The following THSD7B variants were observed in gnomAD, a reference collection of about 807,000 sequenced individuals.
The protein encoded by THSD7B is thrombospondin type-1 domain-containing protein 7B.
Under a neutral mutation model 213.6 loss-of-function variants are expected in THSD7B, and 138 were observed. The observed-to-expected ratio is 0.65, with a 90% CI of 0.56 to 0.74. The LOEUF (loss-of-function observed/expected upper bound fraction) is 0.74. THSD7B is among the 30% of genes least tolerant of loss of function. THSD7B has a pLI of 0.00. For synonymous variants in THSD7B, 742 were observed against 687.0 expected (o/e 1.08, Z -1.25); for missense variants, 1,931 against 1,991.5 (o/e 0.97, Z 0.58).
At chr2:137,227,094 A>G (rs1021874211) in intron 7 of THSD7B, among the ~76,000 whole-genome samples, 4 of 152,148 alleles carry the variant, frequency 2.6e-5, no homozygotes, top group Middle Eastern at 3.2e-3. Flanking sequence ...AAACTGCTCA[A>G]TGCGTATGGG....
chr2:136,802,639 T>TTATTTATATATATATATATA, intron 1 of THSD7B, among the ~76,000 whole-genome samples: 1 of 57,382 alleles, frequency 1.7e-5, no homozygotes, highest in East Asian at 7.0e-4. Flanking sequence ...TGAATTAAGT[T>TTATTTATATATATATATATA]TATATATATA....
intron 2 of THSD7B, among the ~76,000 whole-genome samples, chr2:136,981,353 G>C (rs1685574475): frequency 6.6e-6 from 1 of 152,124 alleles, no homozygotes; most frequent in South Asian, 2.1e-4. Context: ...AGATATCGGT[G>C]CTATATACAC....
intron 14 of THSD7B, among the ~76,000 whole-genome samples, chr2:137,428,111 G>A (rs1261210487): frequency 6.6e-6 from 1 of 152,024 alleles, no homozygotes; most frequent in African/African-American, 2.4e-5. Flanking sequence ...ACAAATAAAA[G>A]GTATTTGTCC....
intron 15 of THSD7B, among the ~76,000 whole-genome samples, chr2:137,550,889 A>G (rs1573701750): frequency 6.6e-6 from 1 of 152,106 alleles, no homozygotes; most frequent in African/African-American, 2.4e-5. Context: ...GCTCAGTTCT[A>G]TGCTTAGTAC....
At chr2:137,611,323 T>G (rs559332825) in intron 17 of THSD7B, among the ~76,000 whole-genome samples, 3 of 152,126 alleles carry the variant, frequency 2.0e-5, no homozygotes, top group Non-Finnish European at 2.9e-5. Flanking sequence ...TTTACTATGC[T>G]ATGCCCTATC....
intron 3 of THSD7B, among the ~76,000 whole-genome samples, chr2:137,072,870 T>A (rs1180053561): frequency 6.6e-6 from 1 of 152,092 alleles, no homozygotes; most frequent in Non-Finnish European, 1.5e-5. Flanking sequence ...ACCATGTGGT[T>A]TTTGTCTTTG....
At chr2:137,108,544 G>T (rs973180925) in intron 4 of THSD7B, among the ~76,000 whole-genome samples, 1 of 152,138 alleles carries the variant, frequency 6.6e-6, no homozygotes, top group Non-Finnish European at 1.5e-5. Context: ...AGCCACTTGA[G>T]TTGTTTAATT....
intron 5 of THSD7B, among the ~76,000 whole-genome samples, chr2:137,132,241 A>T (rs574462429): frequency 7.3e-5 from 11 of 151,178 alleles, no homozygotes; most frequent in Middle Eastern, 3.4e-3. Context: ...GTTTCCTGAG[A>T]CTTTGCTGAA....
intron 20 of THSD7B, among the ~76,000 whole-genome samples, chr2:137,641,721 C>A (rs1379165494): frequency 6.6e-6 from 1 of 152,218 alleles, no homozygotes; most frequent in Non-Finnish European, 1.5e-5. Flanking sequence ...GGGAGCACTG[C>A]TCTTTTCTGA....
At chr2:137,268,077 T>C (rs1682638017) in intron 10 of THSD7B, among the ~76,000 whole-genome samples, 1 of 152,190 alleles carries the variant, frequency 6.6e-6, no homozygotes, top group Non-Finnish European at 1.5e-5. Context: ...ACAACCCTCA[T>C]GCTGGGTTCA....
chr2:137,487,396 A>AAG (rs1553454200), intron 15 of THSD7B, among the ~76,000 whole-genome samples: 6 of 120,944 alleles, frequency 5.0e-5, no homozygotes, highest in African/African-American at 1.9e-4. Flanking sequence ...AAAAAAAAAA[A>AAG]AAAGAACTAG....
chr2:137,606,924 G>T (rs1241357542), intron 17 of THSD7B, among the ~76,000 whole-genome samples: 3 of 152,054 alleles, frequency 2.0e-5, no homozygotes. Context: ...CCTTTGGGTG[G>T]CATATAGATA....
At chr2:137,138,063 A>C (rs1260668494) in intron 5 of THSD7B, among the ~76,000 whole-genome samples, 2 of 151,808 alleles carry the variant, frequency 1.3e-5, no homozygotes, top group Non-Finnish European at 2.9e-5. Context: ...ATTTTTTTAA[A>C]ATAGTTCTTT....
chr2:137,227,398 A>G (rs1236096792), intron 7 of THSD7B, among the ~76,000 whole-genome samples: 1 of 152,108 alleles, frequency 6.6e-6, no homozygotes, highest in African/African-American at 2.4e-5. Context: ...TGAAAGATGA[A>G]TTCAATTTCC....
intron 12 of THSD7B, among the ~76,000 whole-genome samples, chr2:137,336,267 A>G (rs938293734): frequency 6.6e-6 from 1 of 152,210 alleles, no homozygotes; most frequent in Non-Finnish European, 1.5e-5. Context: ...AAAAGTGCTG[A>G]TGCAGGAAAA....
intron 5 of THSD7B, among the ~76,000 whole-genome samples, chr2:137,133,570 C>T (rs1295460964): frequency 6.6e-6 from 1 of 151,916 alleles, no homozygotes; most frequent in Non-Finnish European, 1.5e-5. Context: ...TAGTAAGTTC[C>T]CTGGAGATGC....
chr2:137,468,589 A>G lies in THSD7B; in HGVS notation c.3138+17566A>G, dbSNP rs1466709285. ...CCAAACAAAAAAGAAAAGAAAAAATAAAAGCTTCAGAGGCAAATAGATTTG... is the reference window on the plus strand; with the variant it reads ...CCAAACAAAAAAGAAAAGAAAAAATGAAAGCTTCAGAGGCAAATAGATTTG... On this transcript the variant is annotated intron_variant, in intron 15 of 27. Coordinates refer to ENST00000409968, the MANE Select transcript of THSD7B (RefSeq NM_001316349.2). Among the ~76,000 whole-genome samples the G allele has an allele frequency of 3.4e-5, 4 of 117,998 alleles. No homozygotes were observed. In the East Asian group the frequency reaches 1.1e-3, roughly 32 times the overall value. 77.4% of individuals were successfully genotyped at this position (117,998 alleles called of 152,430 possible).
intron 12 of THSD7B, among the ~76,000 whole-genome samples, chr2:137,362,339 A>C (rs1279324065): frequency 6.6e-6 from 1 of 152,210 alleles, no homozygotes; most frequent in East Asian, 1.9e-4. Context: ...TGAGCAAAAT[A>C]ACCAGCTAAC....
At chr2:137,662,420 G>A (rs1683368329) in intron 25 of THSD7B, among the ~76,000 whole-genome samples, 1 of 151,382 alleles carries the variant, frequency 6.6e-6, no homozygotes, top group African/African-American at 2.4e-5. Context: ...CCTTTCCCTC[G>A]TGCTCGCTGC....
Sources: allele counts gnomAD v4.1 joint callset (sites outside exome capture counted in the v4.1 genomes callset), GRCh38; gene constraint gnomAD v4.1.1; transcripts MANE v1.5; gene names NCBI Gene and HGNC (gene_info 2026-07-23, HGNC 2026-07-21).